Variants in LRRFIP1 observed in about 807,000 individuals in gnomAD.
LRRFIP1 encodes LRR binding FLII interacting protein 1.
Under a neutral mutation model 104.4 loss-of-function variants are expected in LRRFIP1, and 62 were observed. The ratio of observed to expected loss-of-function variants is 0.59; its 90% CI spans 0.48 to 0.73. The LOEUF is 0.73. Among genes scored for constraint, LRRFIP1 ranks in the 30% least tolerant of loss-of-function variants. LRRFIP1 has a pLI of 0.00. For synonymous variants in LRRFIP1, 300 were observed against 299.0 expected (o/e 1.00, Z -0.03); for missense variants, 796 against 824.5 (o/e 0.97, Z 0.42).
rs139831620 is a variant in LRRFIP1, at chr2:237,721,024, C to T, written c.345+202C>T. On this transcript the variant is annotated intron_variant, in intron 6 of 23. Transcript: ENST00000308482. ...GAGAGATGATTTATATGCATAGGCA[C>T]GTTGGTTGTTTCTTTCTCCCGAGAT... 220 of 524,184 alleles carry T rather than the reference C, an allele frequency of 4.2e-4. 2 individuals are homozygous for T. The East Asian group carries it at 6.4e-3, about 15-fold the overall frequency. The allele number at this position is 524,184 out of a possible 1,614,324, so 32.5% of individuals were successfully genotyped here.
chr2:237,699,350 T>TC (rs2093375846), intron 1 of LRRFIP1, among the ~76,000 whole-genome samples: 1 of 151,254 alleles, frequency 6.6e-6, no homozygotes, highest in African/African-American at 2.5e-5. Context: ...TCTTTTCTTT[T>TC]TTTTTTTTTT....
Position 237,717,932 on chromosome 2 carries a change from C to T in LRRFIP1, c.249+123C>T, listed in dbSNP as rs2094402340. The stretch of plus-strand genomic sequence containing the variant: ...ACTATGTAGATAGATTCCTATTGCA[C>T]CATAATTTAATACTGAGAGATTTTC... On this transcript the variant is annotated intron_variant, in intron 4 of 23. Coordinates refer to ENST00000308482, the MANE Select transcript of LRRFIP1 (RefSeq NM_001137550.2). This position sits in a 1 kb window ranked among gnomAD's most constrained non-coding sequence, Gnocchi z 4.2. The T allele has an allele frequency of 1.2e-6, 1 of 829,342 alleles. No homozygotes were observed. Among genetic ancestry groups the T allele is most frequent in the South Asian group, 1.4e-5 (1 of 73,282 alleles). 51.4% of individuals were successfully genotyped at this position (829,342 alleles called of 1,614,324 possible).
chr2:237,671,002 C>A (rs1575338519), intron 1 of LRRFIP1, among the ~76,000 whole-genome samples: 1 of 152,320 alleles, frequency 6.6e-6, no homozygotes, highest in East Asian at 1.9e-4. Context: ...GTGGGGCAGC[C>A]CAAGCCCCTA....
chr2:237,678,476 A>G (rs2091421644), intron 1 of LRRFIP1, among the ~76,000 whole-genome samples: 1 of 152,112 alleles, frequency 6.6e-6, no homozygotes. Flanking sequence ...GACTGGGTAC[A>G]TCAGATTTAG....
rs77207531 is a variant in LRRFIP1, at chr2:237,712,616, C to T, written c.184-1643C>T. On this transcript the variant is annotated intron_variant, in intron 2 of 23. Coordinates refer to ENST00000308482, the MANE Select transcript of LRRFIP1 (RefSeq NM_001137550.2). ...GCCAGGAGGAATGTACTCGTGTGTG[C>T]GCACGCATTCGTGTGTGTGCGTGTG... Among the ~76,000 whole-genome samples, 435 of 152,304 alleles carry T rather than the reference C, an allele frequency of 2.9e-3. 10 individuals carry two copies. The East Asian group carries it at 0.047, about 17-fold the overall frequency.
At chr2:237,750,714 G>C (rs2058519877) in intron 13 of LRRFIP1, among the ~76,000 whole-genome samples, 1 of 152,154 alleles carries the variant, frequency 6.6e-6, no homozygotes, top group African/African-American at 2.4e-5. Context: ...TGCGCGTGCC[G>C]TTCATTTGTT....
chr2:237,736,095 A>G (rs527257992), intron 10 of LRRFIP1, among the ~76,000 whole-genome samples: 50 of 152,354 alleles, frequency 3.3e-4, no homozygotes, highest in Non-Finnish European at 6.3e-4. Flanking sequence ...GAAGTTTATC[A>G]GCTACTTACT....
intron 15 of LRRFIP1, 91 bp from the exon 16 acceptor site, chr2:237,756,004 G>C (rs1263787450): frequency 1.3e-6 from 1 of 740,850 alleles, no homozygotes; most frequent in Non-Finnish European, 2.3e-6. Flanking sequence ...CAGGTGATTT[G>C]TTCCACAGAA....
At chr2:237,714,900 G>A (rs545928040) in intron 3 of LRRFIP1, among the ~76,000 whole-genome samples, 3 of 152,230 alleles carry the variant, frequency 2.0e-5, no homozygotes, top group Non-Finnish European at 4.4e-5. Flanking sequence ...AATGAAGTCA[G>A]AAGTGAGCGA....
intron 1 of LRRFIP1, among the ~76,000 whole-genome samples, chr2:237,696,913 A>T (rs1379748240): frequency 6.6e-6 from 1 of 152,272 alleles, no homozygotes; most frequent in African/African-American, 2.4e-5. Flanking sequence ...CTCTTAGGAC[A>T]GAAGTCCTTG....
intron 6 of LRRFIP1, chr2:237,721,650 T>A (rs2094539136): frequency 6.6e-6 from 1 of 152,228 alleles, no homozygotes; most frequent in Non-Finnish European, 1.5e-5. Flanking sequence ...TTCTCTTCAC[T>A]GTGGCAATTA....
intron 1 of LRRFIP1, among the ~76,000 whole-genome samples, chr2:237,702,429 T>C (rs1005531661): frequency 1.2e-4 from 18 of 152,280 alleles, no homozygotes; most frequent in African/African-American, 3.8e-4. Context: ...AGGCTGTGTG[T>C]TCTGAACAGG....
At chr2:237,755,128 G>C (rs758746976) in intron 15 of LRRFIP1, among the ~76,000 whole-genome samples, 1 of 152,226 alleles carries the variant, frequency 6.6e-6, no homozygotes, top group Non-Finnish European at 1.5e-5. Flanking sequence ...AGCAAAGTGA[G>C]TTGGGTCTCA....
chr2:237,727,831 A>G lies in LRRFIP1; in HGVS notation c.385-45A>G, dbSNP rs571549283. The G allele has an allele frequency of 2.6e-5, 37 of 1,436,420 alleles. No individual in the cohort carries two copies. In the African/African-American group the frequency reaches 5.1e-4, roughly 20 times the overall value. 89.0% of individuals were successfully genotyped at this position (1,436,420 alleles called of 1,614,324 possible). A position where few individuals can be genotyped will look rare whatever the true frequency, so the allele number is the denominator to read the frequency against. ...CCTGCTGATTTGTACCTGTGAATTCATTTGTGTACTGATGTCAGTTTTTCT... is the reference window on the plus strand; with the variant it reads ...CCTGCTGATTTGTACCTGTGAATTCGTTTGTGTACTGATGTCAGTTTTTCT... On this transcript the variant is annotated intron_variant, in intron 7 of 23. Coordinates refer to ENST00000308482, the MANE Select transcript of LRRFIP1 (RefSeq NM_001137550.2).
At chr2:237,754,887 C>T (rs1249261261) in intron 15 of LRRFIP1, among the ~76,000 whole-genome samples, 1 of 152,226 alleles carries the variant, frequency 6.6e-6, no homozygotes, top group African/African-American at 2.4e-5. Context: ...CCGAGTCTCA[C>T]TCCAGAGAAG....
chr2:237,736,730 T>C (rs527691559), intron 10 of LRRFIP1, among the ~76,000 whole-genome samples: 1 of 152,026 alleles, frequency 6.6e-6, no homozygotes, highest in Admixed American at 6.6e-5. Context: ...AAACAGGAGG[T>C]CATCTTGTCC....
intron 1 of LRRFIP1, among the ~76,000 whole-genome samples, chr2:237,708,025 G>A (rs1874144): frequency 0.33 from 49,550 of 152,112 alleles, 9,780 homozygotes; most frequent in African/African-American, 0.56. Flanking sequence ...CAGCCCTATG[G>A]CCTCAGATGG....
At chr2:237,740,170 C>CTGAGGCAAGAGGATTTCT (rs2095371228) in intron 11 of LRRFIP1, among the ~76,000 whole-genome samples, 1 of 151,754 alleles carries the variant, frequency 6.6e-6, no homozygotes, top group Admixed American at 6.6e-5. Context: ...TCATGGGAGG[C>CTGAGGCAAGAGGATTTCT]TGAGGCAAGA....
chr2:237,763,197 G>A (rs1356495526), intron 19 of LRRFIP1: 4 of 1,614,158 alleles, frequency 2.5e-6, no homozygotes, highest in Non-Finnish European at 3.4e-6. Flanking sequence ...ACAGAAGTAG[G>A]TAGGGATCAC....
Sources: gnomAD v4.1 joint callset for allele counts (sites outside exome capture counted in the v4.1 genomes callset) on GRCh38, gnomAD v4.1.1 for gene constraint, Gnocchi (gnomAD v3.1) non-coding constraint, MANE v1.5 for transcripts, NCBI Gene and HGNC (gene_info 2026-07-23, HGNC 2026-07-21) for gene names.